TCF20: variants seen among roughly 807,000 people sequenced by gnomAD.
TCF20 encodes SPRE-binding protein.
TCF20 carries 3 observed loss-of-function variants against 148.6 expected under a neutral mutation model. The ratio of observed to expected loss-of-function variants is 0.02; its 90% CI spans 0.01 to 0.05. The LOEUF (loss-of-function observed/expected upper bound fraction) is 0.05, where lower values mean the gene tolerates loss of function less well. Among genes scored for constraint, TCF20 ranks in the 10% least tolerant of loss-of-function variants. The pLI is 1.00. For synonymous variants in TCF20, 1,049 were observed against 909.5 expected (o/e 1.15, Z -2.76); for missense variants, 2,350 against 2,429.3 (o/e 0.97, Z 0.69).
intron 1 of TCF20, among the ~76,000 whole-genome samples, chr22:42,229,936 A>C (rs148651565): frequency 6.6e-6 from 1 of 152,322 alleles, no homozygotes; most frequent in Non-Finnish European, 1.5e-5. Context: ...AACATGTCTC[A>C]CATCTACAAG....
At chr22:42,238,180 C>A (rs1924049945) in intron 1 of TCF20, among the ~76,000 whole-genome samples, 2 of 152,234 alleles carry the variant, frequency 1.3e-5, no homozygotes, top group South Asian at 4.1e-4. Context: ...GCAGCTTCTA[C>A]ATTAGCACTT....
At chr22:42,246,923 G>A (rs1377428940) in intron 1 of TCF20, among the ~76,000 whole-genome samples, 1 of 148,610 alleles carries the variant, frequency 6.7e-6, no homozygotes, top group African/African-American at 2.5e-5. Context: ...CCGAGATTGC[G>A]CCACTGCACT....
chr22:42,227,040 T>C (rs1364118856), intron 1 of TCF20, among the ~76,000 whole-genome samples: 2 of 152,086 alleles, frequency 1.3e-5, no homozygotes, highest in Non-Finnish European at 1.5e-5. Flanking sequence ...CCCAGCACTT[T>C]GAGAGGCCAA....
intron 1 of TCF20, among the ~76,000 whole-genome samples, chr22:42,243,299 A>AC (rs1924611717): frequency 1.8e-5 from 2 of 111,190 alleles, no homozygotes; most frequent in African/African-American, 4.1e-5. Context: ...TCTCAAAAAA[A>AC]AAAAAAAAAA....
intron 3 of TCF20, among the ~76,000 whole-genome samples, chr22:42,173,626 G>A (rs1326517013): frequency 6.6e-6 from 1 of 152,140 alleles, no homozygotes; most frequent in Non-Finnish European, 1.5e-5. Context: ...TTGTTTCCTG[G>A]ATACAAAGTT....
At chr22:42,235,135 C>T (rs1477920276) in intron 1 of TCF20, among the ~76,000 whole-genome samples, 12 of 126,138 alleles carry the variant, frequency 9.5e-5, no homozygotes, top group Middle Eastern at 4.3e-3. Flanking sequence ...GAATGAGACT[C>T]TGTCTCAAAA....
At position 42,210,276 on chromosome 22, in the gene TCF20, G is replaced by C; in HGVS notation, c.5030C>G (p.Thr1677Ser). The change falls in exon 2 of 6, where the codon ACT becomes AGT. Residue 1677 changes from threonine (T) to serine (S), a missense_variant. By Grantham distance (58) the Thr-to-Ser change is moderately conservative. Around this residue, in one of 7 missense-constraint regions of TCF20, gnomAD observed 374 missense variants for 398.3 expected, o/e 0.94. Transcript: ENST00000677622. This position sits in a 1 kb window ranked among gnomAD's most constrained non-coding sequence, Gnocchi z 4.7. Reference protein sequence around the residue: ...QRSLTPPPSSTESKALPASSF... With the variant: ...QRSLTPPPSSSESKALPASSF... ...CGAGGCCGGGAGCGCCTTGCTTTCA[G>C]TGCTGCTAGGTGGAGGGGTCAGTGA... 1.9e-6 allele frequency: 3 copies of C among 1,614,208 alleles called. No individual in the cohort carries two copies. The highest frequency in any genetic ancestry group is 1.7e-5 in the Admixed American group (1 of 60,030).
chr22:42,295,221 G>A (rs1392232798), intron 1 of TCF20, among the ~76,000 whole-genome samples: 6 of 152,220 alleles, frequency 3.9e-5, no homozygotes, highest in Admixed American at 1.3e-4. Context: ...TTGAGGTGAA[G>A]CATACAGCTG....
intron 1 of TCF20, among the ~76,000 whole-genome samples, chr22:42,221,730 T>A (rs992185800): frequency 1.4e-5 from 2 of 143,570 alleles, no homozygotes; most frequent in Non-Finnish European, 3.0e-5. Context: ...ATTAACCATA[T>A]GGCAAAGGGT....
chr22:42,172,794 C>T (rs1178173649), intron 3 of TCF20, among the ~76,000 whole-genome samples: 1 of 152,202 alleles, frequency 6.6e-6, no homozygotes, highest in Non-Finnish European at 1.5e-5. Flanking sequence ...TACACTCTAC[C>T]CCAGTACTAC....
chr22:42,210,264 G>A lies in TCF20; in HGVS notation c.5042C>T (p.Ala1681Val), dbSNP rs773183893. The change falls in exon 2 of 6, where the codon GCG (alanine) becomes GTG (valine). Residue 1681 changes from alanine (A) to valine (V), a missense_variant. Ala to Val is a moderately conservative substitution (Grantham distance 64). Coordinates refer to ENST00000677622, the MANE Select transcript of TCF20 (RefSeq NM_001378418.1). The surrounding 1 kb of genome is among the most constrained non-coding windows in gnomAD (Gnocchi z 4.7). ...TPPPSSTESK[A>V]LPASSFMLQG... ...CAGCATAAAGGACGAGGCCGGGAGC[G>A]CCTTGCTTTCAGTGCTGCTAGGTGG... The A allele has an allele frequency of 1.4e-5, 23 of 1,614,036 alleles. No homozygotes were observed. Among genetic ancestry groups the A allele is most frequent in the Admixed American group, 1.3e-4 (8 of 59,996 alleles).
intron 1 of TCF20, among the ~76,000 whole-genome samples, chr22:42,293,961 C>T (rs1161615437): frequency 1.3e-5 from 2 of 152,218 alleles, no homozygotes; most frequent in Admixed American, 1.3e-4. Flanking sequence ...AACTGCACCA[C>T]AGCACTCCAC....
Position 42,175,000 on chromosome 22 carries a change from A to C in TCF20, c.5749+4609T>G, listed in dbSNP as rs530345182. On this transcript the variant is annotated intron_variant, in intron 3 of 5. Transcript: ENST00000677622. ...CAGTGAGCCGAGATCGCGCCACTGC[A>C]CTCCAGTCGGGGCAACACAGCGAGA... Among the ~76,000 whole-genome samples the C allele has an allele frequency of 9.4e-3, 1,429 of 151,580 alleles. 20 individuals are homozygous for C. The highest frequency in any genetic ancestry group is 0.013 in the Non-Finnish European group (852 of 67,880).
In TCF20 at chr22:42,168,599, C is replaced by T; in HGVS notation, c.*44+10G>A. 1.3e-6 allele frequency: 2 copies of T among 1,553,910 alleles called. No homozygotes were observed. The highest frequency in any genetic ancestry group is 1.7e-6 in the Non-Finnish European group (2 of 1,151,692). Reference sequence around the variant, plus strand: ...GGCAGGATGCAGGGAGCCCGGTGGCCCCGACTCACCTGTGCTTGCTGTCCT... The same window carrying T: ...GGCAGGATGCAGGGAGCCCGGTGGCTCCGACTCACCTGTGCTTGCTGTCCT... On this transcript the variant is annotated intron_variant, in intron 5 of 5. Transcript: ENST00000677622.
At chr22:42,253,122 A>T (rs1156886397) in intron 1 of TCF20, among the ~76,000 whole-genome samples, 4 of 152,236 alleles carry the variant, frequency 2.6e-5, no homozygotes, top group Admixed American at 6.5e-5. Flanking sequence ...AAGTGGCAAA[A>T]GAAAAAATTT....
intron 1 of TCF20, among the ~76,000 whole-genome samples, chr22:42,231,141 G>A (rs1012110879): frequency 2.0e-5 from 3 of 152,094 alleles, no homozygotes; most frequent in South Asian, 2.1e-4. Context: ...CAACCTGGGC[G>A]ACACAGCAAG....
intron 3 of TCF20, among the ~76,000 whole-genome samples, chr22:42,175,514 A>G (rs140428861): frequency 1.1e-3 from 162 of 151,664 alleles, no homozygotes; most frequent in African/African-American, 3.8e-3. Context: ...CTAATTTTTC[A>G]TATTTTAGTA....
intron 1 of TCF20, among the ~76,000 whole-genome samples, chr22:42,239,044 G>A (rs1198899201): frequency 6.6e-6 from 1 of 152,030 alleles, no homozygotes; most frequent in East Asian, 1.9e-4. Context: ...CGTGAACGCG[G>A]CAGGCAGAGC....
chr22:42,310,949 T>C (rs547178963), intron 1 of TCF20, among the ~76,000 whole-genome samples: 49 of 152,322 alleles, frequency 3.2e-4, no homozygotes, highest in African/African-American at 1.2e-3. Context: ...TAGCTCAGCT[T>C]CTGGCTGCAT....
Sources: gnomAD v4.1 joint callset for allele counts (sites outside exome capture counted in the v4.1 genomes callset) on GRCh38, gnomAD v4.1.1 for gene constraint, gnomAD v4.1.1 regional missense constraint, Gnocchi (gnomAD v3.1) non-coding constraint, MANE v1.5 for transcripts, NCBI Gene and HGNC (gene_info 2026-07-23, HGNC 2026-07-21) for gene names.